Variants in CSMD2 observed in about 807,000 individuals in gnomAD.
CSMD2 encodes the protein CUB and Sushi multiple domains 2.
CSMD2 carries 130 observed loss-of-function variants against 398.5 expected under a neutral mutation model. The observed-to-expected ratio is 0.33, with a 90% CI of 0.28 to 0.38. CSMD2 has a LOEUF of 0.38. CSMD2 is among the 10% of genes least tolerant of loss of function. CSMD2 has a pLI of 1.00. For synonymous variants in CSMD2, 1,828 were observed against 1,908.5 expected (o/e 0.96, Z 1.10); for missense variants, 3,829 against 4,764.9 (o/e 0.80, Z 5.78).
chr1:33,889,967 G>T (rs1481672234), intron 5 of CSMD2, among the ~76,000 whole-genome samples: 2 of 151,622 alleles, frequency 1.3e-5, no homozygotes, highest in Non-Finnish European at 2.9e-5. Flanking sequence ...TAAAAAGTGG[G>T]TATATACTTA....
chr1:33,585,811 G>A (rs568500956), intron 46 of CSMD2, among the ~76,000 whole-genome samples: 19 of 152,308 alleles, frequency 1.2e-4, no homozygotes, highest in East Asian at 3.9e-4. Context: ...AACAGTAGTC[G>A]CACTAATGAT....
chr1:33,597,059 T>A (rs1455102797), intron 44 of CSMD2, among the ~76,000 whole-genome samples: 2 of 152,246 alleles, frequency 1.3e-5, no homozygotes, highest in Non-Finnish European at 2.9e-5. Flanking sequence ...AAACCATGTT[T>A]TTTTTTCAAG....
Position 33,662,905 on chromosome 1 carries a change from C to T in CSMD2, c.4240G>A (p.Ala1414Thr), listed in dbSNP as rs772454175. 3 of 1,614,056 alleles carry T rather than the reference C, an allele frequency of 1.9e-6. No individual in the cohort carries two copies. In the African/African-American group the frequency reaches 4.0e-5, roughly 22 times the overall value. ...ACGCACAGACCTGAAAATTGAATGG[C>T]AAAGCCCTGCTTGCTGGTGAAGAAG... ...TDFFTSKQGF[A>T]IQFSVSTATS... Residue 1414 changes from alanine to threonine, a missense_variant, in exon 26 of 71, where the codon GCC becomes ACC. Transcript: ENST00000373381.
chr1:33,939,706 C>A (rs1355146195), intron 3 of CSMD2, among the ~76,000 whole-genome samples: 2 of 152,180 alleles, frequency 1.3e-5, no homozygotes, highest in Non-Finnish European at 2.9e-5. Flanking sequence ...AATCAGACCA[C>A]TCTGACCTGA....
chr1:33,849,045 G>C (rs1160385118), intron 5 of CSMD2, among the ~76,000 whole-genome samples: 1 of 152,150 alleles, frequency 6.6e-6, no homozygotes, highest in Non-Finnish European at 1.5e-5. Flanking sequence ...GTGAGATCAG[G>C]AGAAGCCCTA....
intron 2 of CSMD2, among the ~76,000 whole-genome samples, chr1:34,044,492 T>C (rs1652249995): frequency 6.6e-6 from 1 of 151,922 alleles, no homozygotes; most frequent in South Asian, 2.1e-4. Context: ...AGAATGCAGG[T>C]TATTATGAAG....
rs1229075165 is a variant in CSMD2, at chr1:33,591,917, C to T, written c.6857-4749G>A. 4 of 167,706 alleles carry T rather than the reference C, an allele frequency of 2.4e-5. 1 individual carries two copies. Among genetic ancestry groups the T allele is most frequent in the Non-Finnish European group, 5.2e-5 (4 of 76,994 alleles). The allele number at this position is 167,706 out of a possible 1,614,324, so 10.4% of individuals were successfully genotyped here. ...GAGTATACACTTTAAATTTATAATA[C>T]CTAATCTCTTACTATTTTTACATTT... On this transcript the variant is annotated intron_variant, in intron 44 of 70. Coordinates refer to ENST00000373381, the MANE Select transcript of CSMD2 (RefSeq NM_001281956.2).
chr1:34,081,256 C>T (rs1000351797), intron 2 of CSMD2, among the ~76,000 whole-genome samples: 15 of 152,232 alleles, frequency 9.9e-5, no homozygotes, highest in Middle Eastern at 6.8e-3. Flanking sequence ...TCTCCACACC[C>T]CCAGAGTAGC....
intron 21 of CSMD2, among the ~76,000 whole-genome samples, chr1:33,709,665 C>G (rs113671822): frequency 6.6e-6 from 1 of 152,206 alleles, no homozygotes; most frequent in African/African-American, 2.4e-5. Flanking sequence ...AGAGATGAAG[C>G]CTTTCAGTAT....
intron 27 of CSMD2, among the ~76,000 whole-genome samples, chr1:33,656,991 C>G (rs1415527595): frequency 2.0e-5 from 3 of 152,088 alleles, no homozygotes; most frequent in African/African-American, 7.2e-5. Context: ...GAAGTGGGCA[C>G]CTGGAGGGTT....
Position 33,542,754 on chromosome 1 carries a change from A to G in CSMD2, c.9243T>C (p.Asn3081=). ...CAGGGTCACTGCCTGTCCAGGTACCATTGACCGAGCAGTGACGGCTGAGCA... is the reference window on the plus strand; with the variant it reads ...CAGGGTCACTGCCTGTCCAGGTACCGTTGACCGAGCAGTGACGGCTGAGCA... The part of the protein sequence containing the change: ...TGLLSRHCSV[N]GTWTGSDPEC... Residue 3081 remains asparagine, a synonymous_variant, in exon 58 of 71, where the codon AAT becomes AAC. Coordinates refer to ENST00000373381, the MANE Select transcript of CSMD2 (RefSeq NM_001281956.2). 1 of 1,613,980 alleles carries G rather than the reference A, an allele frequency of 6.2e-7. No homozygotes were observed. The highest frequency in any genetic ancestry group is 1.7e-5 in the Admixed American group (1 of 60,012).
chr1:33,788,559 C>A, intron 12 of CSMD2, 41 bp downstream of exon 12: 1 of 1,062,890 alleles, frequency 9.4e-7, no homozygotes, highest in Non-Finnish European at 1.5e-6. Context: ...CCGTCTCTGA[C>A]TCCCAGGACA....
At chr1:33,725,874 G>A (rs1447660651) in intron 16 of CSMD2, among the ~76,000 whole-genome samples, 2 of 151,608 alleles carry the variant, frequency 1.3e-5, no homozygotes, top group Admixed American at 6.6e-5. Flanking sequence ...GGCCAGATCT[G>A]GTCTATAGCC....
intron 52 of CSMD2, 123 bp downstream of exon 52, chr1:33,569,251 G>C: frequency 9.4e-7 from 1 of 1,061,974 alleles, no homozygotes; most frequent in Non-Finnish European, 1.3e-6. Flanking sequence ...TTGGTGTTTG[G>C]ATTAAGCATT....
chr1:33,980,642 T>TA (rs1646132740), intron 3 of CSMD2, among the ~76,000 whole-genome samples: 1 of 152,162 alleles, frequency 6.6e-6, no homozygotes, highest in South Asian at 2.1e-4. Context: ...CTTCCATCCA[T>TA]CTCATATTTA....
chr1:33,576,449 G>A (rs1008451393), intron 49 of CSMD2, among the ~76,000 whole-genome samples: 1 of 152,144 alleles, frequency 6.6e-6, no homozygotes, highest in East Asian at 1.9e-4. Context: ...AAATTAGCCA[G>A]GCATGGTGGC....
intron 1 of CSMD2, among the ~76,000 whole-genome samples, chr1:34,107,590 G>A (rs1220835521): frequency 1.3e-5 from 2 of 152,174 alleles, no homozygotes; most frequent in South Asian, 2.1e-4. Flanking sequence ...GCCACATCCT[G>A]TCTTCTTAAC....
intron 3 of CSMD2, among the ~76,000 whole-genome samples, chr1:33,947,285 C>G (rs1644868192): frequency 6.6e-6 from 1 of 152,210 alleles, no homozygotes; most frequent in South Asian, 2.1e-4. Context: ...GAGCCCTGCT[C>G]TGGGCCAGGC....
At chr1:33,536,080 G>A (rs1054333981) in intron 62 of CSMD2, among the ~76,000 whole-genome samples, 1 of 152,140 alleles carries the variant, frequency 6.6e-6, no homozygotes, top group Non-Finnish European at 1.5e-5. Context: ...AGCATGTGCC[G>A]AGTGAGTACA....
Sources: allele counts gnomAD v4.1 joint callset (sites outside exome capture counted in the v4.1 genomes callset), GRCh38; gene constraint gnomAD v4.1.1; transcripts MANE v1.5; gene names NCBI Gene and HGNC (gene_info 2026-07-23, HGNC 2026-07-21).